Variants in GPBP1 observed in about 807,000 individuals in gnomAD.
GPBP1 encodes GC-rich promoter binding protein 1, also known as vasculin.
Under a neutral mutation model 56.5 loss-of-function variants are expected in GPBP1, and 13 were observed. That is an observed-to-expected ratio of 0.23 (90% CI 0.15 to 0.37). The LOEUF is 0.37. GPBP1 is among the 10% of genes least tolerant of loss of function. The pLI, the probability that GPBP1 is intolerant of heterozygous loss-of-function variation, is 1.00. For synonymous variants in GPBP1, 204 were observed against 188.9 expected, an observed-to-expected ratio of 1.08 and a Z score of -0.66; for missense variants, 477 against 572.3, an observed-to-expected ratio of 0.83 and a Z score of 1.70.
At chr5:57,215,480 G>T (rs1755662706) in intron 3 of GPBP1, among the ~76,000 whole-genome samples, 1 of 152,206 alleles carries the variant, frequency 6.6e-6, no homozygotes, top group Non-Finnish European at 1.5e-5. Flanking sequence ...TTTCATTAAT[G>T]CCTGAAGGGC....
At chr5:57,178,505 C>G (rs1379632284) in intron 2 of GPBP1, among the ~76,000 whole-genome samples, 1 of 152,194 alleles carries the variant, frequency 6.6e-6, no homozygotes, top group Non-Finnish European at 1.5e-5. Context: ...CTCCACTTCC[C>G]AAAGTGCTGG....
At chr5:57,225,842 A>G (rs1756162968) in intron 3 of GPBP1, among the ~76,000 whole-genome samples, 1 of 152,226 alleles carries the variant, frequency 6.6e-6, no homozygotes, top group Admixed American at 6.5e-5. Context: ...GCAGTCAGCT[A>G]TCCTGCTACT....
rs150885888 is a variant in GPBP1, at chr5:57,256,638, G to A, written c.1161-4542G>A. ...TTTGCCAAGAATAGAATAAAATTGT[G>A]GATTCAAGATTTCAGATTTGGTAGC... On this transcript the variant is annotated intron_variant, in intron 10 of 11. Coordinates refer to ENST00000506184, the MANE Select transcript of GPBP1 (RefSeq NM_022913.4). Among the ~76,000 whole-genome samples the A allele has an allele frequency of 3.1e-3, 479 of 152,102 alleles. 4 individuals carry two copies. The highest frequency in any genetic ancestry group is 0.011 in the African/African-American group (458 of 41,520).
intron 10 of GPBP1, among the ~76,000 whole-genome samples, chr5:57,254,618 C>T (rs1344295): frequency 6.6e-6 from 1 of 150,746 alleles, no homozygotes; most frequent in South Asian, 2.1e-4. Context: ...TCACTTGAAT[C>T]TGGGAGGCAG....
chr5:57,205,249 C>T (rs1448124456), intron 2 of GPBP1, among the ~76,000 whole-genome samples: 5 of 152,208 alleles, frequency 3.3e-5, no homozygotes, highest in Non-Finnish European at 7.3e-5. Context: ...CGTTTATACT[C>T]AGCATGTGTT....
At chr5:57,207,037 G>GCACCC (rs1755262087) in intron 2 of GPBP1, among the ~76,000 whole-genome samples, 1 of 152,158 alleles carries the variant, frequency 6.6e-6, no homozygotes, top group African/African-American at 2.4e-5. Flanking sequence ...CCAGGTGGTG[G>GCACCC]AGGCTGCATT....
rs1443488655 is a variant in GPBP1 at position 57,249,405 on chromosome 5, T to G, written c.805-4T>G. The stretch of plus-strand genomic sequence containing the variant: ...TTTATCAGTATTTCTGAATTTCCTC[T>G]TAGTGTAATCGCTCAAATTCCTCTT... On this transcript the variant is annotated splice_polypyrimidine_tract_variant and splice_region_variant and intron_variant, in intron 8 of 11. Transcript: ENST00000506184. 6.3e-7 allele frequency: 1 copy of G among 1,586,418 alleles called. No homozygotes were observed.
At chr5:57,248,674 T>C (rs1057235336) in intron 8 of GPBP1, among the ~76,000 whole-genome samples, 1 of 152,100 alleles carries the variant, frequency 6.6e-6, no homozygotes, top group Non-Finnish European at 1.5e-5. Flanking sequence ...GACCTCGTGA[T>C]CCGCCCGCCT....
intron 3 of GPBP1, among the ~76,000 whole-genome samples, chr5:57,219,650 A>T (rs1015841404): frequency 1.3e-5 from 2 of 151,956 alleles, no homozygotes; most frequent in Non-Finnish European, 2.9e-5. Flanking sequence ...TCCTGCCTGG[A>T]TGCATATGGG....
At chr5:57,206,925 A>G (rs1755257237) in intron 2 of GPBP1, among the ~76,000 whole-genome samples, 1 of 151,986 alleles carries the variant, frequency 6.6e-6, no homozygotes. Context: ...GGCAACGTAG[A>G]CCCCATCTCT....
intron 2 of GPBP1, among the ~76,000 whole-genome samples, chr5:57,177,504 G>A (rs865928837): frequency 2.0e-5 from 3 of 151,918 alleles, no homozygotes; most frequent in African/African-American, 4.8e-5. Flanking sequence ...ACCGAGTTTC[G>A]CTCTTGTTGC....
At chr5:57,181,185 A>T (rs975347918) in intron 2 of GPBP1, among the ~76,000 whole-genome samples, 5 of 152,170 alleles carry the variant, frequency 3.3e-5, no homozygotes, top group Admixed American at 6.5e-5. Flanking sequence ...CATAAAAAAA[A>T]TTAGCTGAGC....
chr5:57,242,572 C>G (rs1423694143), intron 6 of GPBP1, among the ~76,000 whole-genome samples: 1 of 152,104 alleles, frequency 6.6e-6, no homozygotes. Flanking sequence ...TGGCTCATTG[C>G]AGCCCCAGCC....
intron 6 of GPBP1, among the ~76,000 whole-genome samples, chr5:57,242,017 T>C (rs1299638043): frequency 6.6e-6 from 1 of 152,220 alleles, no homozygotes; most frequent in African/African-American, 2.4e-5. Flanking sequence ...CCACATCCCT[T>C]CTTCCATTAC....
rs773198522 is a variant in GPBP1, at chr5:57,214,207, ATCTT to A, written c.63+22_63+25del. On this transcript the variant is annotated intron_variant, in intron 3 of 11. Coordinates refer to ENST00000506184, the MANE Select transcript of GPBP1 (RefSeq NM_022913.4). ...TCATCAACAAAGGTACTCTTTCTGC[ATCTT>A]TCTTTCTGTCTGCTTCTCTTGCATT... The A allele has an allele frequency of 5.6e-5, 90 of 1,594,876 alleles. No homozygotes were observed. The Admixed American group carries it at 1.2e-3, about 21-fold the overall frequency.
At position 57,194,521 on chromosome 5, in the gene GPBP1, A is replaced by G. The variant is rs1412945827; in HGVS notation, c.-58+18121A>G. On this transcript the variant is annotated intron_variant, in intron 2 of 11. Transcript: ENST00000506184. Reference sequence around the variant, plus strand: ...TCACTTCAAGCATTCATAATTTTCTATATTAGGAACATTCCAACTCCATTT... The same window carrying G: ...TCACTTCAAGCATTCATAATTTTCTGTATTAGGAACATTCCAACTCCATTT... 3.3e-5 allele frequency among the ~76,000 whole-genome samples: 5 copies of G among 152,304 alleles called. No homozygotes were observed. The East Asian group carries it at 5.8e-4, about 18-fold the overall frequency.
chr5:57,248,457 T>G (rs1741202709), intron 8 of GPBP1, among the ~76,000 whole-genome samples: 1 of 133,988 alleles, frequency 7.5e-6, no homozygotes, highest in African/African-American at 2.8e-5. Context: ...AGACGGAGTC[T>G]CGCTCTGTCG....
intron 6 of GPBP1, among the ~76,000 whole-genome samples, chr5:57,244,726 G>GGTTTTTT (rs1561368710): frequency 7.9e-6 from 1 of 127,334 alleles, no homozygotes; most frequent in African/African-American, 3.1e-5. Flanking sequence ...CTTTGTTTGA[G>GGTTTTTT]ATTTTTTTTT....
At chr5:57,221,316 AG>A in intron 3 of GPBP1, 1 of 1,181,774 alleles carries the variant, frequency 8.5e-7, no homozygotes, top group Admixed American at 2.5e-5. Context: ...GTGATTTTCT[AG>A]TTTTTTTAAA....
Sources: gnomAD v4.1 joint callset for allele counts (sites outside exome capture counted in the v4.1 genomes callset) on GRCh38, gnomAD v4.1.1 for gene constraint, MANE v1.5 for transcripts, NCBI Gene and HGNC (gene_info 2026-07-23, HGNC 2026-07-21) for gene names.